Variants in HMGXB3 observed in about 807,000 individuals in gnomAD.
HMGXB3 encodes the protein HMG domain-containing protein 3.
HMGXB3 carries 45 observed loss-of-function variants against 121.5 expected under a neutral mutation model. The observed-to-expected ratio is 0.37, with a 90% confidence interval of 0.29 to 0.47. HMGXB3 has a LOEUF of 0.47. Among genes scored for constraint, HMGXB3 ranks in the 20% least tolerant of loss-of-function variants. HMGXB3 has a pLI of 0.99. For missense variants in HMGXB3, 1,376 were observed against 1,602.2 expected (o/e 0.86, Z 2.41); for synonymous variants, 590 against 624.1 (o/e 0.95, Z 0.81).
chr5:150,008,464 T>A (rs1755759063), intron 3 of HMGXB3, among the ~76,000 whole-genome samples: 1 of 152,238 alleles, frequency 6.6e-6, no homozygotes. Flanking sequence ...GATTAAACAT[T>A]CATTGACTAT....
chr5:150,051,222 C>T (rs538977170), intron 19 of HMGXB3, among the ~76,000 whole-genome samples: 1 of 152,278 alleles, frequency 6.6e-6, no homozygotes, highest in East Asian at 1.9e-4. Flanking sequence ...CCTCCAAGGC[C>T]AGCAGGCCAG....
At position 150,052,698 on chromosome 5, in the gene HMGXB3, G is replaced by A. The variant is rs1756958066; in HGVS notation, c.*506G>A. ...ACTCTAGGGGTCCCTTTGGGCTCTTGATTCTCCCTGAAGGAGGGATGCATT... is the reference window on the plus strand; with the variant it reads ...ACTCTAGGGGTCCCTTTGGGCTCTTAATTCTCCCTGAAGGAGGGATGCATT... On this transcript the variant is annotated 3_prime_UTR_variant, in exon 20 of 20. Transcript: ENST00000502717. The A allele has an allele frequency of 6.4e-6, 1 of 156,930 alleles. No individual in the cohort carries two copies. The highest frequency in any genetic ancestry group is 1.4e-5 in the Non-Finnish European group (1 of 70,924). 9.7% of individuals were successfully genotyped at this position (156,930 alleles called of 1,614,324 possible).
chr5:150,026,646 C>T (rs1246033904), intron 7 of HMGXB3, 60 bp from the exon 8 acceptor site: 37 of 1,397,114 alleles, frequency 2.6e-5, no homozygotes, highest in Non-Finnish European at 3.5e-5. Flanking sequence ...GTAGAGATTG[C>T]GCTTTGGTTT....
At chr5:150,017,456 G>A (rs573086867) in intron 5 of HMGXB3, among the ~76,000 whole-genome samples, 34 of 152,252 alleles carry the variant, frequency 2.2e-4, no homozygotes, top group Admixed American at 3.9e-4. Flanking sequence ...AAGAACAGGC[G>A]ATTTTACAGA....
At position 150,036,628 on chromosome 5, in the gene HMGXB3, C is replaced by A; in HGVS notation, c.1984-8C>A. The stretch of plus-strand genomic sequence containing the variant: ...GAGTGCTTGGTGATCAATCCACTCT[C>A]TTCCCAGGAGGTGAGCTCACCACTC... On this transcript the variant is annotated splice_polypyrimidine_tract_variant and splice_region_variant and intron_variant, in intron 11 of 19. Transcript: ENST00000502717. 6.5e-7 allele frequency: 1 copy of A among 1,532,506 alleles called. No individual in the cohort carries two copies. The highest frequency in any genetic ancestry group is 8.8e-7 in the Non-Finnish European group (1 of 1,136,618). 94.9% of individuals were successfully genotyped at this position (1,532,506 alleles called of 1,614,324 possible). A position where few individuals can be genotyped will look rare whatever the true frequency, so the allele number is the denominator to read the frequency against.
Position 150,032,896 on chromosome 5 carries a change from G to C in HMGXB3, c.1983+293G>C, listed in dbSNP as rs1431546847. 2.0e-5 allele frequency among the ~76,000 whole-genome samples: 3 copies of C among 152,286 alleles called. No homozygotes were observed. The East Asian group carries it at 5.8e-4, about 29-fold the overall frequency. ...TAAGTAGGAGTGAAAGGAGAGGGACGAAAGGGTTGCATCCTCTTACCGCTG... is the reference window on the plus strand; with the variant it reads ...TAAGTAGGAGTGAAAGGAGAGGGACCAAAGGGTTGCATCCTCTTACCGCTG... On this transcript the variant is annotated intron_variant, in intron 11 of 19. Transcript: ENST00000502717.
intron 18 of HMGXB3, 100 bp downstream of exon 18, chr5:150,048,785 C>G (rs1301291856): frequency 1.2e-6 from 1 of 864,374 alleles, no homozygotes; most frequent in African/African-American, 1.7e-5. Context: ...AGACTTAGGT[C>G]ACTGGGCAAC....
chr5:150,045,893 T>C (rs1439461854), intron 16 of HMGXB3, among the ~76,000 whole-genome samples: 1 of 152,202 alleles, frequency 6.6e-6, no homozygotes, highest in Non-Finnish European at 1.5e-5. Flanking sequence ...CCATCTTACA[T>C]AGCAGGGGCG....
intron 15 of HMGXB3, among the ~76,000 whole-genome samples, chr5:150,044,430 C>T (rs1307951255): frequency 6.6e-6 from 1 of 152,066 alleles, no homozygotes; most frequent in African/African-American, 2.4e-5. Context: ...TGTGAGGTGG[C>T]AAACAAAGAG....
chr5:150,029,698 G>A (rs1581257997), intron 9 of HMGXB3, among the ~76,000 whole-genome samples: 1 of 152,268 alleles, frequency 6.6e-6, no homozygotes, highest in Admixed American at 6.5e-5. Context: ...TCATGGACCA[G>A]GTTGGAATAG....
In HMGXB3 at chr5:150,024,572, AG is replaced by A. The variant is rs1401804232; in HGVS notation, c.1354del (p.Val452SerfsTer66). The A allele has an allele frequency of 6.4e-7, 1 of 1,551,636 alleles. No individual in the cohort carries two copies. The highest frequency in any genetic ancestry group is 1.4e-5 in the African/African-American group (1 of 73,032). The stretch of plus-strand genomic sequence containing the variant: ...GTCGTCAAAAGTGGTGTGCAGCCTG[AG>A]GTCACTCTGGGGACAACTGACAATG... ...TPVVKSGVQP[E>X]VTLGTTDNDS... On this transcript the variant is annotated frameshift_variant, in exon 7 of 20. Transcript: ENST00000502717. LOFTEE classifies it high-confidence loss of function.
rs1756978924 is a variant in HMGXB3 at position 150,053,079 on chromosome 5, G to A, written c.*887G>A. On this transcript the variant is annotated 3_prime_UTR_variant, in exon 20 of 20. Transcript: ENST00000502717. ...GTTAATTTATTGAGTGGAGTAGGTGGCTTTTTTTCCCTCCCTCTTCCCCCA... is the reference window on the plus strand; with the variant it reads ...GTTAATTTATTGAGTGGAGTAGGTGACTTTTTTTCCCTCCCTCTTCCCCCA... 1 of 178,804 alleles carries A rather than the reference G, an allele frequency of 5.6e-6. No individual in the cohort carries two copies. The highest frequency in any genetic ancestry group is 9.4e-5 in the East Asian group (1 of 10,662). 11.1% of individuals were successfully genotyped at this position (178,804 alleles called of 1,614,324 possible). A position where few individuals can be genotyped will look rare whatever the true frequency, so the allele number is the denominator to read the frequency against.
chr5:150,009,180 G>A (rs1433997194), intron 3 of HMGXB3, among the ~76,000 whole-genome samples: 2 of 152,058 alleles, frequency 1.3e-5, no homozygotes, highest in Non-Finnish European at 2.9e-5. Flanking sequence ...AGCCATTCAG[G>A]ACTGTGCTTT....
intron 15 of HMGXB3, among the ~76,000 whole-genome samples, chr5:150,044,271 C>G (rs1756704576): frequency 6.6e-6 from 1 of 152,158 alleles, no homozygotes; most frequent in South Asian, 2.1e-4. Flanking sequence ...GTCAGCCCCT[C>G]TCTCGGAGTT....
intron 19 of HMGXB3, among the ~76,000 whole-genome samples, chr5:150,051,272 T>C (rs569345148): frequency 3.4e-4 from 52 of 152,244 alleles, no homozygotes; most frequent in African/African-American, 1.2e-3. Flanking sequence ...AACTGATAAT[T>C]AGGAAGAAGG....
intron 6 of HMGXB3, 63 bp downstream of exon 6, chr5:150,018,760 AG>A: frequency 6.9e-7 from 1 of 1,445,186 alleles, no homozygotes; most frequent in Non-Finnish European, 9.3e-7. Context: ...GTTTGCCATT[AG>A]GAACAGGTGA....
intron 4 of HMGXB3, 39 bp from the exon 5 acceptor site, chr5:150,012,216 C>CT: frequency 7.0e-7 from 1 of 1,432,268 alleles, no homozygotes; most frequent in Non-Finnish European, 9.6e-7. Flanking sequence ...CTTTATTACT[C>CT]TGTTTCAGTG....
At position 150,051,929 on chromosome 5, in the gene HMGXB3, T is replaced by A. The variant is rs1371876499; in HGVS notation, c.3616T>A (p.Ser1206Thr). ...ELAPYATILA[S>T]IVDSKPNGVR... ...GGCACCTTACGCAACCATCCTGGCC[T>A]CCATCGTGGACAGCAAACCAAACGG... is the stretch of plus-strand genomic sequence containing the variant. Residue 1206 changes from serine to threonine, a missense_variant, in exon 20 of 20, where the codon TCC becomes ACC. Transcript: ENST00000502717. 2.6e-6 allele frequency: 4 copies of A among 1,552,148 alleles called. No homozygotes were observed. The highest frequency in any genetic ancestry group is 3.5e-6 in the Non-Finnish European group (4 of 1,147,138).
At chr5:150,042,394 T>A (rs1319537364) in intron 15 of HMGXB3, among the ~76,000 whole-genome samples, 1 of 152,012 alleles carries the variant, frequency 6.6e-6, no homozygotes, top group Non-Finnish European at 1.5e-5. Context: ...GAGAGAACAG[T>A]GTCATGGGAA....
Sources: allele counts gnomAD v4.1 joint callset (sites outside exome capture counted in the v4.1 genomes callset), GRCh38; gene constraint gnomAD v4.1.1; transcripts MANE v1.5; gene names NCBI Gene and HGNC (gene_info 2026-07-23, HGNC 2026-07-21).